TMTC2: variants seen among roughly 807,000 people sequenced by gnomAD.
TMTC2 encodes transmembrane O-mannosyltransferase targeting cadherins 2, also known as protein O-mannosyl-transferase TMTC2.
In TMTC2, 43 loss-of-function variants were observed where a neutral mutation model predicts 82.4. That is an observed-to-expected ratio of 0.52 (90% CI 0.41 to 0.67). TMTC2 has a LOEUF of 0.67. TMTC2 is among the 30% of genes least tolerant of loss of function. The pLI is 0.00. For synonymous variants in TMTC2, 408 were observed against 381.9 expected (o/e 1.07, Z -0.80); for missense variants, 919 against 1,012.4 (o/e 0.91, Z 1.25).
At chr12:82,720,888 C>A (rs908733886) in intron 1 of TMTC2, among the ~76,000 whole-genome samples, 43 of 152,180 alleles carry the variant, frequency 2.8e-4, no homozygotes, top group Non-Finnish European at 2.9e-5. Flanking sequence ...TTGTCTTGTC[C>A]AATTCCCAAT....
rs781662057 is a variant in TMTC2, at chr12:82,850,227, T to A, written c.84-6783T>A. ...CCAAGCATTTTAAGTTAACATTGCC[T>A]TGTTTGATTTTTAACATGACATTTT... is the stretch of plus-strand genomic sequence containing the variant. On this transcript the variant is annotated intron_variant, in intron 1 of 11. Transcript: ENST00000321196. 4.6e-5 allele frequency among the ~76,000 whole-genome samples: 7 copies of A among 152,146 alleles called. 1 individual carries two copies. Among genetic ancestry groups the A allele is most frequent in the Admixed American group, 2.6e-4 (4 of 15,278 alleles).
At chr12:82,992,262 T>C (rs532024009) in intron 8 of TMTC2, among the ~76,000 whole-genome samples, 1 of 152,354 alleles carries the variant, frequency 6.6e-6, no homozygotes, top group South Asian at 2.1e-4. Context: ...GAGCTAAGAC[T>C]TCTTTTTCAT....
chr12:82,899,339 G>GCCTCCTCTTTTCCCTTCACAGTTGA (rs1403743067), intron 3 of TMTC2, among the ~76,000 whole-genome samples: 1 of 151,572 alleles, frequency 6.6e-6, no homozygotes, highest in African/African-American at 2.4e-5. Flanking sequence ...AGTCATCCCT[G>GCCTCCTCTTTTCCCTTCACAGTTGA]CCTCCTCTTT....
At chr12:82,924,325 T>G (rs1565812133) in intron 3 of TMTC2, among the ~76,000 whole-genome samples, 1 of 152,230 alleles carries the variant, frequency 6.6e-6, no homozygotes, top group Non-Finnish European at 1.5e-5. Flanking sequence ...ATTCTATGTC[T>G]GGATAAAAAA....
At position 82,857,302 on chromosome 12, in the gene TMTC2, C is replaced by T; in HGVS notation, c.376C>T (p.His126Tyr). ...TFMAGLMFAS[H>Y]PIHTEAVAGI... is the part of the protein sequence containing the mutation. ...CATGGCTGGCTTGATGTTTGCTTCT[C>T]ACCCCATTCACACGGAGGCAGTGGC... Residue 126 changes from histidine to tyrosine, a missense_variant, in exon 2 of 12, where the codon CAC becomes TAC. Physicochemically the swap from His to Tyr is moderately conservative, Grantham distance 83. Transcript: ENST00000321196. 1.2e-6 allele frequency: 2 copies of T among 1,614,210 alleles called. No homozygotes were observed. Among genetic ancestry groups the T allele is most frequent in the Non-Finnish European group, 1.7e-6 (2 of 1,180,046 alleles).
intron 8 of TMTC2, among the ~76,000 whole-genome samples, chr12:82,991,278 G>C (rs189042171): frequency 1.3e-5 from 2 of 152,110 alleles, no homozygotes; most frequent in South Asian, 2.1e-4. Context: ...AAACTGATTG[G>C]AGATTGGAAA....
At chr12:82,850,168 CAT>C (rs2137104565) in intron 1 of TMTC2, among the ~76,000 whole-genome samples, 1 of 152,182 alleles carries the variant, frequency 6.6e-6, no homozygotes, top group East Asian at 1.9e-4. Context: ...TCTGCAAAAA[CAT>C]GTAGTGTCCA....
chr12:82,797,636 A>T (rs1228884154), intron 1 of TMTC2, among the ~76,000 whole-genome samples: 4 of 152,164 alleles, frequency 2.6e-5, no homozygotes, highest in Non-Finnish European at 4.4e-5. Flanking sequence ...TGAATTCTGA[A>T]TTAGATGTTA....
At position 83,099,251 on chromosome 12, in the gene TMTC2, T is replaced by TA. The variant is rs1317154405; in HGVS notation, c.2332-32958dup. 3.9e-5 allele frequency among the ~76,000 whole-genome samples: 6 copies of TA among 152,216 alleles called. No individual in the cohort carries two copies. In the South Asian group the frequency reaches 6.2e-4, roughly 16 times the overall value. Reference sequence around the variant, plus strand: ...AAAGCCTAATTTCCTTCATGCACAGTAGGTGTTACTCTTTGGCATTTAGGG... The same window carrying TA: ...AAAGCCTAATTTCCTTCATGCACAGTAAGGTGTTACTCTTTGGCATTTAGGG... On this transcript the variant is annotated intron_variant, in intron 11 of 11. Transcript: ENST00000321196.
At chr12:82,746,610 C>T (rs1010030389) in intron 1 of TMTC2, among the ~76,000 whole-genome samples, 1 of 152,200 alleles carries the variant, frequency 6.6e-6, no homozygotes, top group Non-Finnish European at 1.5e-5. Flanking sequence ...CCTGGCTATT[C>T]AAACCTGAAT....
At chr12:82,693,803 A>C (rs1872677971) in intron 1 of TMTC2, among the ~76,000 whole-genome samples, 1 of 151,964 alleles carries the variant, frequency 6.6e-6, no homozygotes, top group Non-Finnish European at 1.5e-5. Context: ...CCTCGTCTCT[A>C]CTAAAAATAT....
At chr12:82,719,085 A>ATATATATATATATTTTTTTT (rs1282211374) in intron 1 of TMTC2, among the ~76,000 whole-genome samples, 1 of 41,414 alleles carries the variant, frequency 2.4e-5, no homozygotes, top group Non-Finnish European at 3.8e-5. Flanking sequence ...ATATATATAT[A>ATATATATATATATTTTTTTT]TTTTTTTTTT....
At chr12:82,857,685 A>G in intron 2 of TMTC2, 105 bp downstream of exon 2, 1 of 1,088,064 alleles carries the variant, frequency 9.2e-7, no homozygotes, top group Non-Finnish European at 1.3e-6. Context: ...AGCGGAATTT[A>G]AAATAAGTTC....
intron 3 of TMTC2, among the ~76,000 whole-genome samples, chr12:82,906,448 T>G (rs967417714): frequency 2.0e-5 from 3 of 152,056 alleles, no homozygotes; most frequent in Admixed American, 2.0e-4. Flanking sequence ...GCAGATCACA[T>G]GAGGTCAGGA....
chr12:82,928,938 T>A (rs953904524), intron 3 of TMTC2, among the ~76,000 whole-genome samples: 22 of 152,248 alleles, frequency 1.4e-4, no homozygotes, highest in Admixed American at 5.2e-4. Flanking sequence ...AAGTGTATTG[T>A]ATTTAATGTT....
intron 3 of TMTC2, among the ~76,000 whole-genome samples, chr12:82,912,068 T>C (rs867994262): frequency 9.2e-5 from 14 of 152,212 alleles, no homozygotes; most frequent in African/African-American, 3.4e-4. Flanking sequence ...CTTTCAGTGA[T>C]CTTAAACAGC....
At chr12:83,002,705 G>C (rs1592686269) in intron 8 of TMTC2, among the ~76,000 whole-genome samples, 1 of 151,612 alleles carries the variant, frequency 6.6e-6, no homozygotes, top group East Asian at 1.9e-4. Flanking sequence ...GTAATTGATT[G>C]GTTTTGAGTG....
chr12:83,115,567 T>C (rs1438161514), intron 11 of TMTC2, among the ~76,000 whole-genome samples: 1 of 151,690 alleles, frequency 6.6e-6, no homozygotes, highest in Non-Finnish European at 1.5e-5. Context: ...TTATTGCAAA[T>C]TAAGGTGGAG....
intron 1 of TMTC2, among the ~76,000 whole-genome samples, chr12:82,758,295 C>T (rs1265897057): frequency 1.3e-5 from 2 of 152,080 alleles, no homozygotes; most frequent in African/African-American, 4.8e-5. Context: ...TCTATGAAGC[C>T]TCCTGTCATT....
Sources: allele counts gnomAD v4.1 joint callset (sites outside exome capture counted in the v4.1 genomes callset), GRCh38; gene constraint gnomAD v4.1.1; transcripts MANE v1.5; gene names NCBI Gene and HGNC (gene_info 2026-07-23, HGNC 2026-07-21).